Variants in GABBR2 observed in about 807,000 individuals in gnomAD.
The protein encoded by GABBR2 is G-protein coupled receptor 51.
GABBR2 carries 23 observed loss-of-function variants against 105.6 expected under a neutral mutation model. The ratio of observed to expected loss-of-function variants is 0.22; its 90% confidence interval spans 0.16 to 0.31. GABBR2 has a LOEUF of 0.31. Ranked by LOEUF, GABBR2 falls within the 10% of genes least tolerant of loss-of-function variation. The pLI is 1.00. For synonymous variants in GABBR2, 478 were observed against 499.7 expected (o/e 0.96, Z 0.58); for missense variants, 734 against 1,245.5 (o/e 0.59, Z 6.18).
chr9:98,525,715 C>T (rs1030721593), intron 3 of GABBR2, among the ~76,000 whole-genome samples: 3 of 152,172 alleles, frequency 2.0e-5, no homozygotes, highest in Admixed American at 2.0e-4. Context: ...AACTTGTACA[C>T]AATGTTCATG....
chr9:98,509,886 C>G (rs1439064607), intron 3 of GABBR2, among the ~76,000 whole-genome samples: 1 of 152,156 alleles, frequency 6.6e-6, no homozygotes, highest in African/African-American at 2.4e-5. Context: ...TCTAGCAAGG[C>G]AGGCCAACAT....
chr9:98,692,443 G>C (rs983953354), intron 1 of GABBR2, among the ~76,000 whole-genome samples: 1 of 152,198 alleles, frequency 6.6e-6, no homozygotes, highest in Admixed American at 6.5e-5. Flanking sequence ...GTGCATTCTC[G>C]TCCATGAAGC....
In GABBR2 at chr9:98,412,804, G is replaced by C. The variant is rs80016028; in HGVS notation, c.1237-6663C>G. ...GGTCATGCGACCCCCATTCCGGAGA[G>C]AGCCCTGCGCTTCCAGAAGGAAGGA... On this transcript the variant is annotated intron_variant, in intron 7 of 18. Transcript: ENST00000259455. Among the ~76,000 whole-genome samples, 1,110 of 152,336 alleles carry C rather than the reference G, an allele frequency of 7.3e-3. 13 individuals carry two copies. Among genetic ancestry groups the C allele is most frequent in the African/African-American group, 0.025 (1,040 of 41,562 alleles).
chr9:98,342,284 G>A (rs1831227231), intron 13 of GABBR2, among the ~76,000 whole-genome samples: 1 of 152,062 alleles, frequency 6.6e-6, no homozygotes, highest in Non-Finnish European at 1.5e-5. Context: ...TAGAAGGTGC[G>A]CAGGCATAGA....
At chr9:98,644,191 C>A (rs1043884930) in intron 1 of GABBR2, among the ~76,000 whole-genome samples, 1 of 152,196 alleles carries the variant, frequency 6.6e-6, no homozygotes, top group Non-Finnish European at 1.5e-5. Context: ...GGTGCAGACG[C>A]CACCCAAACA....
At chr9:98,685,764 C>T (rs150291030) in intron 1 of GABBR2, among the ~76,000 whole-genome samples, 1 of 152,294 alleles carries the variant, frequency 6.6e-6, no homozygotes, top group East Asian at 1.9e-4. Flanking sequence ...ACCATCATAG[C>T]TTACTGTACT....
At chr9:98,537,459 T>C (rs1481347214) in intron 3 of GABBR2, among the ~76,000 whole-genome samples, 4 of 151,946 alleles carry the variant, frequency 2.6e-5, no homozygotes, top group Non-Finnish European at 4.4e-5. Context: ...ACACATACTT[T>C]TTTTTTTTTG....
At chr9:98,640,484 C>T (rs755718142) in intron 1 of GABBR2, among the ~76,000 whole-genome samples, 11 of 152,112 alleles carry the variant, frequency 7.2e-5, no homozygotes, top group Non-Finnish European at 1.3e-4. Flanking sequence ...CACTCTGATG[C>T]CCCAGGTCCT....
At chr9:98,532,455 C>T (rs1229904670) in intron 3 of GABBR2, among the ~76,000 whole-genome samples, 1 of 152,180 alleles carries the variant, frequency 6.6e-6, no homozygotes, top group Non-Finnish European at 1.5e-5. Flanking sequence ...CCGTCGGAGT[C>T]CCCTCTGTCT....
intron 3 of GABBR2, 139 bp from the exon 4 acceptor site, chr9:98,496,653 A>G (rs1310106247): frequency 7.7e-6 from 5 of 650,610 alleles, no homozygotes; most frequent in East Asian, 5.4e-5. Context: ...TTTGTTTTAC[A>G]TTATTAACTA....
rs1001226327 is a variant in GABBR2 at position 98,618,604 on chromosome 9, A to G, written c.322-40532T>C. Among the ~76,000 whole-genome samples the G allele has an allele frequency of 6.7e-5, 10 of 149,166 alleles. 1 individual carries two copies. The highest frequency in any genetic ancestry group is 2.2e-4 in the African/African-American group (9 of 40,190). On this transcript the variant is annotated intron_variant, in intron 1 of 18. Coordinates refer to ENST00000259455, the MANE Select transcript of GABBR2 (RefSeq NM_005458.8). ...TCTCTGTCTATCTCTGTCACTGGGT[A>G]TGCTTCTATCTCTCTTTCTGTCTCC...
At chr9:98,589,866 C>A (rs1003551459) in intron 1 of GABBR2, among the ~76,000 whole-genome samples, 2 of 151,978 alleles carry the variant, frequency 1.3e-5, no homozygotes, top group East Asian at 1.9e-4. Flanking sequence ...AGGTGCACAC[C>A]ACCACCACCA....
At chr9:98,408,756 A>C (rs1434159125) in intron 7 of GABBR2, among the ~76,000 whole-genome samples, 1 of 152,220 alleles carries the variant, frequency 6.6e-6, no homozygotes, top group African/African-American at 2.4e-5. Context: ...CTATGAGAAG[A>C]TCAAAAGGGT....
chr9:98,300,378 C>T (rs773505542), intron 16 of GABBR2, among the ~76,000 whole-genome samples: 8 of 152,050 alleles, frequency 5.3e-5, no homozygotes, highest in African/African-American at 7.2e-5. Flanking sequence ...CTCCTGGGCT[C>T]GAGCGATCCT....
At chr9:98,549,465 C>A (rs1480297205) in intron 2 of GABBR2, among the ~76,000 whole-genome samples, 1 of 152,082 alleles carries the variant, frequency 6.6e-6, no homozygotes, top group Admixed American at 6.5e-5. Context: ...CTGACTTAAC[C>A]AAATATGTGG....
intron 1 of GABBR2, among the ~76,000 whole-genome samples, chr9:98,668,883 TTGTGTGTGTGTGTGTG>T (rs35341252): frequency 3.4e-5 from 5 of 147,612 alleles, no homozygotes; most frequent in African/African-American, 1.0e-4. Context: ...ATATTCCATT[TTGTGTGTGTGTGTGTG>T]TGTGTGTGTG....
At chr9:98,617,127 T>C (rs191955209) in intron 1 of GABBR2, among the ~76,000 whole-genome samples, 1 of 152,308 alleles carries the variant, frequency 6.6e-6, no homozygotes, top group Non-Finnish European at 1.5e-5. Flanking sequence ...AACTTCCCAA[T>C]CCACCACGAT....
intron 1 of GABBR2, among the ~76,000 whole-genome samples, chr9:98,697,213 C>T (rs1830764239): frequency 6.6e-6 from 1 of 152,014 alleles, no homozygotes. Flanking sequence ...CAAGGACCGC[C>T]GGGCGCGGTG....
At chr9:98,444,819 G>A (rs1253821856) in intron 7 of GABBR2, among the ~76,000 whole-genome samples, 1 of 152,130 alleles carries the variant, frequency 6.6e-6, no homozygotes, top group Admixed American at 6.5e-5. Flanking sequence ...TGCTGCCTCA[G>A]GAAGGGATTC....
Sources: allele counts gnomAD v4.1 joint callset (sites outside exome capture counted in the v4.1 genomes callset), GRCh38; gene constraint gnomAD v4.1.1; transcripts MANE v1.5; gene names NCBI Gene and HGNC (gene_info 2026-07-23, HGNC 2026-07-21).